MMS22L: variants seen among roughly 807,000 people sequenced by gnomAD.
MMS22L encodes MMS22 like, DNA repair protein.
In MMS22L, 74 loss-of-function variants were observed where a neutral mutation model predicts 159.1. The observed-to-expected ratio is 0.47, with a 90% CI of 0.39 to 0.56. MMS22L has a LOEUF of 0.56. Among genes scored for constraint, MMS22L ranks in the 20% least tolerant of loss-of-function variants. The probability of loss-of-function intolerance (pLI) is 0.00; values close to 1 mark genes in which losing one functional copy is unlikely to be tolerated. For missense variants in MMS22L, 1,351 were observed against 1,422.1 expected (o/e 0.95, Z 0.80); for synonymous variants, 517 against 506.9 (o/e 1.02, Z -0.27).
At position 97,155,844 on chromosome 6, in the gene MMS22L, T is replaced by C. The variant is rs551330691; in HGVS notation, c.3386-3977A>G. On this transcript the variant is annotated intron_variant, in intron 22 of 24. Coordinates refer to ENST00000683635, the MANE Select transcript of MMS22L (RefSeq NM_001350599.2). Reference sequence around the variant, plus strand: ...AATGATTTATAATCCTTTGGGTATATACCCAGTAATGAGATTGTTGCATCA... The same window carrying C: ...AATGATTTATAATCCTTTGGGTATACACCCAGTAATGAGATTGTTGCATCA... Among the ~76,000 whole-genome samples the C allele has an allele frequency of 3.5e-3, 540 of 152,328 alleles. 4 individuals carry two copies. The highest frequency in any genetic ancestry group is 0.013 in the African/African-American group (520 of 41,582).
intron 14 of MMS22L, among the ~76,000 whole-genome samples, chr6:97,216,766 C>A (rs1033323199): frequency 1.3e-5 from 2 of 152,120 alleles, no homozygotes; most frequent in Admixed American, 1.3e-4. Flanking sequence ...CTATAGTGAA[C>A]CACAGGGTTC....
intron 3 of MMS22L, 79 bp downstream of exon 3, chr6:97,281,158 G>C (rs1816723497): frequency 2.9e-6 from 4 of 1,393,626 alleles, no homozygotes; most frequent in Non-Finnish European, 2.9e-6. Context: ...TGTAATATCA[G>C]TATTAGAAGC....
intron 14 of MMS22L, among the ~76,000 whole-genome samples, chr6:97,209,637 A>T (rs1047228636): frequency 6.6e-6 from 1 of 152,060 alleles, no homozygotes; most frequent in African/African-American, 2.4e-5. Flanking sequence ...GCTGTTTAGT[A>T]ATCAACTATG....
At position 97,254,699 on chromosome 6, in the gene MMS22L, GT is replaced by G; in HGVS notation, c.976del (p.Thr326HisfsTer16). 3 of 1,608,030 alleles carry G rather than the reference GT, an allele frequency of 1.9e-6. No homozygotes were observed. Among genetic ancestry groups the G allele is most frequent in the Non-Finnish European group, 2.5e-6 (3 of 1,178,242 alleles). The stretch of plus-strand genomic sequence containing the variant: ...TCGGTCACTTGATTTTTCAAGCAGT[GT>G]TTTAAGTAGTTTATTCAACCAGTTC... ...FWNWLNKLLKTLLEKSSDRRR... is the reference protein window; with the variant it reads ...FWNWLNKLLKXLLEKSSDRRR... On this transcript the variant is annotated frameshift_variant, in exon 10 of 25. Coordinates refer to ENST00000683635, the MANE Select transcript of MMS22L (RefSeq NM_001350599.2). LOFTEE classifies it high-confidence loss of function.
At chr6:97,231,199 G>T (rs368474320) in intron 13 of MMS22L, 3 of 455,528 alleles carry the variant, frequency 6.6e-6, no homozygotes, top group African/African-American at 2.0e-5. Flanking sequence ...CTTGTGAACC[G>T]CTGGGCTCAA....
chr6:97,280,788 GTA>G (rs559684578), intron 3 of MMS22L, among the ~76,000 whole-genome samples: 57 of 152,026 alleles, frequency 3.7e-4, no homozygotes, highest in African/African-American at 1.3e-3. Flanking sequence ...CTGAAGGAGG[GTA>G]TATGGATGTT....
At chr6:97,193,579 T>A (rs1806122970) in intron 14 of MMS22L, among the ~76,000 whole-genome samples, 1 of 152,178 alleles carries the variant, frequency 6.6e-6, no homozygotes, top group Admixed American at 6.5e-5. Context: ...TTATTGTAAG[T>A]AGTTCCCAAT....
chr6:97,222,432 A>G (rs1295054951), intron 14 of MMS22L, among the ~76,000 whole-genome samples: 1 of 152,034 alleles, frequency 6.6e-6, no homozygotes, highest in African/African-American at 2.4e-5. Context: ...CTTCTGAACT[A>G]TTTCTTAGTC....
At chr6:97,151,897 T>C in intron 22 of MMS22L, 30 bp from the exon 23 acceptor site, 1 of 1,546,142 alleles carries the variant, frequency 6.5e-7, no homozygotes, top group Non-Finnish European at 8.9e-7. Context: ...CATTAGGCAC[T>C]GTGTCTGAAT....
intron 15 of MMS22L, among the ~76,000 whole-genome samples, chr6:97,184,156 A>G (rs1346316580): frequency 6.6e-6 from 1 of 152,012 alleles, no homozygotes; most frequent in Non-Finnish European, 1.5e-5. Flanking sequence ...TGATCCATCT[A>G]TAGAAACTGA....
At chr6:97,156,574 A>G (rs953986464) in intron 22 of MMS22L, among the ~76,000 whole-genome samples, 1 of 152,140 alleles carries the variant, frequency 6.6e-6, no homozygotes, top group Non-Finnish European at 1.5e-5. Context: ...TTCAATAGGG[A>G]ATCCTTTCCC....
At chr6:97,151,743 C>A (rs1407945222) in intron 23 of MMS22L, 28 bp downstream of exon 23, 1 of 1,573,462 alleles carries the variant, frequency 6.4e-7, no homozygotes, top group Non-Finnish European at 8.7e-7. Context: ...CAATAGTTTC[C>A]TTGCCAGGTG....
At chr6:97,200,683 C>A (rs1444846478) in intron 14 of MMS22L, among the ~76,000 whole-genome samples, 2 of 151,996 alleles carry the variant, frequency 1.3e-5, no homozygotes, top group East Asian at 3.9e-4. Flanking sequence ...CCTGTGATAT[C>A]TCATAAAATG....
chr6:97,159,948 G>GAT (rs1554256191), intron 22 of MMS22L, among the ~76,000 whole-genome samples: 1 of 97,180 alleles, frequency 1.0e-5, no homozygotes, highest in Non-Finnish European at 1.9e-5. Context: ...TATCATTTCT[G>GAT]TTTTTTTTTT....
chr6:97,235,193 A>G (rs1034590093), intron 11 of MMS22L, among the ~76,000 whole-genome samples: 1 of 152,338 alleles, frequency 6.6e-6, no homozygotes, highest in East Asian at 1.9e-4. Context: ...ATGTTTGGAA[A>G]AAGATTCAGT....
chr6:97,218,407 TG>T (rs1224097432), intron 14 of MMS22L, among the ~76,000 whole-genome samples: 1 of 152,128 alleles, frequency 6.6e-6, no homozygotes, highest in Non-Finnish European at 1.5e-5. Context: ...TATGAAATGG[TG>T]AAAAAGTGAT....
intron 9 of MMS22L, among the ~76,000 whole-genome samples, chr6:97,258,013 T>C (rs1814015422): frequency 6.6e-6 from 1 of 152,236 alleles, no homozygotes; most frequent in Non-Finnish European, 1.5e-5. Context: ...AATTCCATCA[T>C]GACTCTACAT....
chr6:97,237,105 G>T (rs943742163), intron 11 of MMS22L, among the ~76,000 whole-genome samples: 1 of 152,130 alleles, frequency 6.6e-6, no homozygotes, highest in African/African-American at 2.4e-5. Flanking sequence ...AAGGTCAATG[G>T]TAACGGGCAA....
At chr6:97,240,872 CTG>C (rs1449622551) in intron 11 of MMS22L, among the ~76,000 whole-genome samples, 2 of 152,244 alleles carry the variant, frequency 1.3e-5, no homozygotes, top group East Asian at 3.9e-4. Flanking sequence ...GGTGATCCAC[CTG>C]CCTTGGCCTC....
Sources: gnomAD v4.1 joint callset for allele counts (sites outside exome capture counted in the v4.1 genomes callset) on GRCh38, gnomAD v4.1.1 for gene constraint, MANE v1.5 for transcripts, NCBI Gene and HGNC (gene_info 2026-07-23, HGNC 2026-07-21) for gene names.